The following RAB4A variants were observed in gnomAD, a reference collection of about 807,000 sequenced individuals.
RAB4A encodes the protein RAB4A, member RAS oncogene family.
In RAB4A, 20 loss-of-function variants were observed where a neutral mutation model predicts 34.5. The ratio of observed to expected loss-of-function variants is 0.58; its 90% CI spans 0.41 to 0.84. The LOEUF (loss-of-function observed/expected upper bound fraction) is 0.84. RAB4A is among the 40% of genes least tolerant of loss of function. RAB4A has a pLI of 0.00. For synonymous variants in RAB4A, 102 were observed against 100.0 expected (o/e 1.02, Z -0.12); for missense variants, 228 against 274.5 (o/e 0.83, Z 1.20).
intron 1 of RAB4A, among the ~76,000 whole-genome samples, chr1:229,282,413 T>C (rs577075575): frequency 4.1e-4 from 63 of 152,330 alleles, no homozygotes; most frequent in Non-Finnish European, 7.9e-4. Flanking sequence ...TATCTTGTCA[T>C]GGACTTCTTT....
chr1:229,283,544 A>G (rs1006486962), intron 1 of RAB4A, among the ~76,000 whole-genome samples: 3 of 152,066 alleles, frequency 2.0e-5, no homozygotes, highest in Non-Finnish European at 4.4e-5. Flanking sequence ...GGCTTTTGCT[A>G]GGACTTTTTT....
chr1:229,275,108 G>T (rs1421399752), intron 1 of RAB4A, among the ~76,000 whole-genome samples: 1 of 152,182 alleles, frequency 6.6e-6, no homozygotes, highest in Non-Finnish European at 1.5e-5. Flanking sequence ...CCTAGTACCT[G>T]TGAATGTGAC....
chr1:229,305,415 G>C lies in RAB4A; in HGVS notation c.*1622G>C, dbSNP rs1191248415. The C allele has an allele frequency of 1.1e-5, 10 of 932,902 alleles. No individual in the cohort carries two copies. Among genetic ancestry groups the C allele is most frequent in the Non-Finnish European group, 1.5e-5 (10 of 657,936 alleles). The allele number at this position is 932,902 out of a possible 1,614,324, so 57.8% of individuals were successfully genotyped here. A position where few individuals can be genotyped will look rare whatever the true frequency, so the allele number is the denominator to read the frequency against. ...ATTTTAAAAATAAGATAAATGTAAA[G>C]TTGTTTTATAAACGATCCTGTTAAT... On this transcript the variant is annotated 3_prime_UTR_variant, in exon 8 of 8. Transcript: ENST00000366690.
At chr1:229,297,280 T>A (rs1657274429) in intron 4 of RAB4A, among the ~76,000 whole-genome samples, 1 of 152,268 alleles carries the variant, frequency 6.6e-6, no homozygotes, top group Non-Finnish European at 1.5e-5. Flanking sequence ...TCTCACTTGC[T>A]GTCTCATTTT....
intron 6 of RAB4A, 77 bp from the exon 7 acceptor site, chr1:229,302,783 CTT>C (rs563708134): frequency 2.0e-3 from 1,629 of 808,480 alleles, no homozygotes; most frequent in Non-Finnish European, 2.3e-3. Context: ...CTGTACTTTG[CTT>C]TTTTTTTTTT....
chr1:229,295,859 G>A lies in RAB4A; in HGVS notation c.239G>A (p.Arg80Lys), dbSNP rs1657238901. ...AGQERFRSVT[R>K]SYYRGAAGAL... ...TATAATTCTTCCAGGTCCGTGACGA[G>A]AAGTTATTACCGAGGCGCGGCCGGG... The change falls in exon 4 of 8, where the codon AGA becomes AAA. Residue 80 changes from arginine (R) to lysine (K), a missense_variant. By Grantham distance (26) the Arg-to-Lys change is conservative (BLOSUM62 2). Coordinates refer to ENST00000366690, the MANE Select transcript of RAB4A (RefSeq NM_004578.4). 9.3e-6 allele frequency: 15 copies of A among 1,614,114 alleles called. No homozygotes were observed. The highest frequency in any genetic ancestry group is 1.2e-5 in the Non-Finnish European group (14 of 1,179,992).
intron 5 of RAB4A, among the ~76,000 whole-genome samples, chr1:229,297,926 A>G (rs908090473): frequency 6.6e-6 from 1 of 152,222 alleles, no homozygotes; most frequent in African/African-American, 2.4e-5. Context: ...AGTGAAATTA[A>G]TAATATTTAA....
At chr1:229,286,352 T>C in intron 1 of RAB4A, 134 bp from the exon 2 acceptor site, 1 of 598,762 alleles carries the variant, frequency 1.7e-6, no homozygotes, top group South Asian at 2.1e-5. Context: ...TGTATTGTCA[T>C]TTCACAAGAT....
intron 6 of RAB4A, among the ~76,000 whole-genome samples, chr1:229,302,303 A>ATT (rs1657427596): frequency 2.5e-5 from 1 of 39,702 alleles, no homozygotes; most frequent in African/African-American, 8.3e-5. Context: ...ATATATATAT[A>ATT]TATATATTTT....
At chr1:229,282,480 A>G (rs1656802555) in intron 1 of RAB4A, among the ~76,000 whole-genome samples, 1 of 152,158 alleles carries the variant, frequency 6.6e-6, no homozygotes, top group African/African-American at 2.4e-5. Flanking sequence ...TATGTCTCTC[A>G]CCAAATTTAA....
intron 3 of RAB4A, among the ~76,000 whole-genome samples, chr1:229,289,456 G>C (rs1657008061): frequency 6.6e-6 from 1 of 152,196 alleles, no homozygotes; most frequent in South Asian, 2.1e-4. Flanking sequence ...TTATAATTCA[G>C]TGAAATAAAA....
intron 1 of RAB4A, among the ~76,000 whole-genome samples, chr1:229,276,535 A>C (rs1009678652): frequency 6.6e-6 from 1 of 151,282 alleles, no homozygotes; most frequent in African/African-American, 2.5e-5. Context: ...TGGGTGGCCT[A>C]CAGGCATCTG....
At chr1:229,294,877 G>A (rs1657195688) in intron 3 of RAB4A, among the ~76,000 whole-genome samples, 2 of 152,094 alleles carry the variant, frequency 1.3e-5, no homozygotes, top group Admixed American at 1.3e-4. Flanking sequence ...GACAGTAACT[G>A]AAAAGATGGT....
chr1:229,274,049 C>CTTTTTTTTTTTTTT (rs11339660), intron 1 of RAB4A, among the ~76,000 whole-genome samples: 1 of 86,862 alleles, frequency 1.2e-5, no homozygotes, highest in Admixed American at 1.5e-4. Flanking sequence ...TTTTGTTTCC[C>CTTTTTTTTTTTTTT]TTTTTTTTTT....
chr1:229,294,112 G>A (rs80304189), intron 3 of RAB4A, among the ~76,000 whole-genome samples: 1,905 of 152,302 alleles, frequency 0.013, 40 homozygotes, highest in African/African-American at 0.043. Context: ...AACAGGGTGC[G>A]TGGTGATGCC....
chr1:229,275,132 A>C lies in RAB4A; in HGVS notation c.31+3762A>C, dbSNP rs1656606338. ...TGTGAATGTGACCGCATTTGGAAAT[A>C]AGGTCTTTGCAGATGTAATCAAGTT... On this transcript the variant is annotated intron_variant, in intron 1 of 7. Transcript: ENST00000366690. 2.6e-5 allele frequency among the ~76,000 whole-genome samples: 4 copies of C among 152,352 alleles called. No homozygotes were observed. The South Asian group carries it at 8.3e-4, about 32-fold the overall frequency.
chr1:229,292,592 C>G (rs964305785), intron 3 of RAB4A, among the ~76,000 whole-genome samples: 3 of 152,192 alleles, frequency 2.0e-5, no homozygotes, highest in Non-Finnish European at 4.4e-5. Flanking sequence ...TGCTAACAGT[C>G]TCAAGGCAGA....
chr1:229,300,667 C>G (rs1232153459), intron 6 of RAB4A, among the ~76,000 whole-genome samples: 2 of 151,988 alleles, frequency 1.3e-5, no homozygotes, highest in African/African-American at 4.8e-5. Flanking sequence ...AAAGATGGCT[C>G]TGTTGCAAAT....
At chr1:229,302,257 T>TTTTATATA (rs1657401491) in intron 6 of RAB4A, among the ~76,000 whole-genome samples, 1 of 44,340 alleles carries the variant, frequency 2.3e-5, no homozygotes, top group East Asian at 7.8e-4. Flanking sequence ...CAGTAAATAA[T>TTTTATATA]TATATATATA....
Sources: gnomAD v4.1 joint callset for allele counts (sites outside exome capture counted in the v4.1 genomes callset) on GRCh38, gnomAD v4.1.1 for gene constraint, MANE v1.5 for transcripts, NCBI Gene and HGNC (gene_info 2026-07-23, HGNC 2026-07-21) for gene names.